The following LRP1B variants were observed in gnomAD, a reference collection of about 807,000 sequenced individuals.
LRP1B encodes the protein low-density lipoprotein receptor-related protein 1B.
A neutral mutation model predicts 556.6 loss-of-function variants in LRP1B; 217 were observed. The ratio of observed to expected loss-of-function variants is 0.39; its 90% CI spans 0.35 to 0.44. LRP1B has a LOEUF of 0.44. Ranked by LOEUF, LRP1B falls within the 20% of genes least tolerant of loss-of-function variation. LRP1B has a pLI of 1.00. For synonymous variants in LRP1B, 2,047 were observed against 1,865.8 expected (o/e 1.10, Z -2.50); for missense variants, 5,053 against 5,620.8 (o/e 0.90, Z 3.23).
chr2:140,715,500 A>G (rs1687178216), intron 37 of LRP1B, among the ~76,000 whole-genome samples: 1 of 152,090 alleles, frequency 6.6e-6, no homozygotes. Flanking sequence ...ACAGTTAGTT[A>G]TACTTATTTA....
At chr2:141,105,996 C>A (rs1205942260) in intron 7 of LRP1B, among the ~76,000 whole-genome samples, 1 of 152,110 alleles carries the variant, frequency 6.6e-6, no homozygotes, top group Non-Finnish European at 1.5e-5. Context: ...GGGCCAAACT[C>A]TGCCAGCTGC....
chr2:141,089,235 G>T (rs72985109), intron 7 of LRP1B, among the ~76,000 whole-genome samples: 1 of 152,078 alleles, frequency 6.6e-6, no homozygotes, highest in Non-Finnish European at 1.5e-5. Context: ...TAAAGTCTTC[G>T]TATTGTTTTT....
At chr2:140,546,728 C>T (rs1438993696) in intron 43 of LRP1B, among the ~76,000 whole-genome samples, 3 of 152,110 alleles carry the variant, frequency 2.0e-5, no homozygotes, top group Non-Finnish European at 4.4e-5. Flanking sequence ...AACCATATCA[C>T]TTGCCTTGTG....
At chr2:141,027,931 C>T (rs1333040572) in intron 11 of LRP1B, among the ~76,000 whole-genome samples, 1 of 152,038 alleles carries the variant, frequency 6.6e-6, no homozygotes, top group Non-Finnish European at 1.5e-5. Flanking sequence ...TGACCATGCT[C>T]GCACCCTGAT....
At chr2:141,696,995 AAGAT>A (rs1271232223) in intron 2 of LRP1B, among the ~76,000 whole-genome samples, 6 of 152,032 alleles carry the variant, frequency 3.9e-5, no homozygotes, top group Non-Finnish European at 8.8e-5. Context: ...TATAAAAAAT[AAGAT>A]AGGTCAGTTT....
intron 35 of LRP1B, among the ~76,000 whole-genome samples, chr2:140,750,992 T>C (rs1458429944): frequency 6.3e-3 from 7 of 1,110 alleles, no homozygotes; most frequent in Non-Finnish European, 0.037. Context: ...TTTTTTTTTC[T>C]TTTTTTTTTT....
rs369787900 is a variant in LRP1B at position 140,655,942 on chromosome 2, C to CAAAAAAAAAAAA, written c.6799+44307_6799+44308insTTTTTTTTTTTT. On this transcript the variant is annotated intron_variant, in intron 41 of 90. Coordinates refer to ENST00000389484, the MANE Select transcript of LRP1B (RefSeq NM_018557.3). ...TGGGAGACAGGGTGAGACTCCGTCTCAAAAAAAACAAAAAAAGAATAGGCA... is the reference window on the plus strand; with the variant it reads ...TGGGAGACAGGGTGAGACTCCGTCTCAAAAAAAAAAAAAAAAAAAACAAAAAAAGAATAGGCA... 1.8e-3 allele frequency among the ~76,000 whole-genome samples: 256 copies of CAAAAAAAAAAAA among 145,982 alleles called. 3 individuals are homozygous for CAAAAAAAAAAAA. Among genetic ancestry groups the CAAAAAAAAAAAA allele is most frequent in the African/African-American group, 5.8e-3 (227 of 39,198 alleles).
At chr2:140,980,901 A>C (rs1246588622) in intron 18 of LRP1B, among the ~76,000 whole-genome samples, 1 of 152,248 alleles carries the variant, frequency 6.6e-6, no homozygotes, top group Admixed American at 6.5e-5. Flanking sequence ...ACCATGGAAT[A>C]CTACTCAGCC....
chr2:142,098,709 GAATA>G (rs1224140039), intron 1 of LRP1B, among the ~76,000 whole-genome samples: 1 of 151,700 alleles, frequency 6.6e-6, no homozygotes, highest in Non-Finnish European at 1.5e-5. Flanking sequence ...AGTAGAGCCA[GAATA>G]AATAGATGCA....
intron 3 of LRP1B, among the ~76,000 whole-genome samples, chr2:141,339,168 T>C (rs901986229): frequency 6.6e-6 from 1 of 151,652 alleles, no homozygotes; most frequent in Non-Finnish European, 1.5e-5. Context: ...TTATATGACT[T>C]TTTTCAAAAA....
At chr2:142,096,637 C>T (rs1384096753) in intron 1 of LRP1B, among the ~76,000 whole-genome samples, 1 of 151,622 alleles carries the variant, frequency 6.6e-6, no homozygotes, top group Admixed American at 6.6e-5. Flanking sequence ...CTCATTTACA[C>T]ATAAGTTTGT....
At chr2:142,077,915 G>A (rs1159053677) in intron 1 of LRP1B, among the ~76,000 whole-genome samples, 3 of 152,030 alleles carry the variant, frequency 2.0e-5, no homozygotes, top group Non-Finnish European at 2.9e-5. Flanking sequence ...CGTATTACTC[G>A]AATATTTAAA....
chr2:141,376,222 A>G (rs1468802353), intron 3 of LRP1B, among the ~76,000 whole-genome samples: 1 of 152,162 alleles, frequency 6.6e-6, no homozygotes, highest in Admixed American at 6.5e-5. Flanking sequence ...TTGCAGCAAC[A>G]TCTCTGTGCA....
intron 18 of LRP1B, among the ~76,000 whole-genome samples, chr2:140,956,457 A>G (rs1332383174): frequency 1.3e-5 from 2 of 151,744 alleles, no homozygotes; most frequent in Non-Finnish European, 3.0e-5. Flanking sequence ...TTCAATTCTA[A>G]TTTTTACCTA....
chr2:141,463,921 G>A (rs550525291), intron 3 of LRP1B, among the ~76,000 whole-genome samples: 89 of 148,160 alleles, frequency 6.0e-4, no homozygotes, highest in African/African-American at 2.2e-3. Context: ...TGATTTTGGG[G>A]GGCCATAAAA....
At chr2:140,245,915 A>C (rs1681140401) in intron 87 of LRP1B, among the ~76,000 whole-genome samples, 1 of 151,304 alleles carries the variant, frequency 6.6e-6, no homozygotes, top group South Asian at 2.1e-4. Flanking sequence ...AAAATGTTCC[A>C]TAACCAAAAA....
At chr2:140,460,419 C>T (rs2105328040) in intron 60 of LRP1B, among the ~76,000 whole-genome samples, 1 of 152,172 alleles carries the variant, frequency 6.6e-6, no homozygotes, top group African/African-American at 2.4e-5. Flanking sequence ...ATGAAAGAAA[C>T]ATTTAACAAA....
intron 25 of LRP1B, among the ~76,000 whole-genome samples, chr2:140,871,344 A>G (rs1353582775): frequency 2.0e-5 from 3 of 151,190 alleles, no homozygotes; most frequent in African/African-American, 4.9e-5. Flanking sequence ...GCTCACACAC[A>G]TATTGATAGA....
chr2:141,679,519 G>A (rs2105427237), intron 2 of LRP1B, among the ~76,000 whole-genome samples: 1 of 152,210 alleles, frequency 6.6e-6, no homozygotes, highest in Non-Finnish European at 1.5e-5. Flanking sequence ...GTTTAAATTG[G>A]TTTAACTTCT....
Sources: gnomAD v4.1 joint callset for allele counts (sites outside exome capture counted in the v4.1 genomes callset) on GRCh38, gnomAD v4.1.1 for gene constraint, MANE v1.5 for transcripts, NCBI Gene and HGNC (gene_info 2026-07-23, HGNC 2026-07-21) for gene names.